The following MYO1D variants were observed in gnomAD, a reference collection of about 807,000 sequenced individuals.
MYO1D encodes the protein unconventional myosin-Id.
Under a neutral mutation model 122.0 loss-of-function variants are expected in MYO1D, and 83 were observed. The ratio of observed to expected loss-of-function variants is 0.68; its 90% CI spans 0.57 to 0.82. MYO1D has a LOEUF of 0.82. Ranked by LOEUF, MYO1D falls within the 40% of genes least tolerant of loss-of-function variation. The pLI is 0.00. For missense variants in MYO1D, 1,157 were observed against 1,269.5 expected (o/e 0.91, Z 1.35); for synonymous variants, 464 against 446.9 (o/e 1.04, Z -0.48).
intron 1 of MYO1D, among the ~76,000 whole-genome samples, chr17:32,810,112 G>C (rs1185222589): frequency 6.6e-6 from 1 of 152,176 alleles, no homozygotes; most frequent in Non-Finnish European, 1.5e-5. Context: ...ATGAACACTG[G>C]GGAGAAGTGG....
chr17:32,714,060 T>A (rs915501996), intron 15 of MYO1D, among the ~76,000 whole-genome samples: 2 of 151,772 alleles, frequency 1.3e-5, no homozygotes, highest in African/African-American at 4.8e-5. Context: ...TTTTTTTTTT[T>A]AATAATTATT....
chr17:32,677,209 C>G (rs563997395), intron 16 of MYO1D, among the ~76,000 whole-genome samples: 1 of 152,228 alleles, frequency 6.6e-6, no homozygotes, highest in South Asian at 2.1e-4. Flanking sequence ...ACTTTAAAAT[C>G]AATTACATGC....
intron 20 of MYO1D, among the ~76,000 whole-genome samples, chr17:32,607,172 A>C (rs1276105269): frequency 6.6e-6 from 1 of 152,148 alleles, no homozygotes; most frequent in Non-Finnish European, 1.5e-5. Flanking sequence ...AGAAAAAAAA[A>C]ATTAAAAAGC....
chr17:32,589,723 C>A (rs1452966232), intron 21 of MYO1D, among the ~76,000 whole-genome samples: 1 of 152,190 alleles, frequency 6.6e-6, no homozygotes, highest in East Asian at 1.9e-4. Flanking sequence ...TCCTTGCTGA[C>A]CCTGAAGGTA....
intron 21 of MYO1D, among the ~76,000 whole-genome samples, chr17:32,561,533 C>CA (rs1183358838): frequency 6.6e-6 from 1 of 150,584 alleles, no homozygotes; most frequent in African/African-American, 2.4e-5. Context: ...ACTAAAAATA[C>CA]AAAAAAATTA....
At chr17:32,785,040 A>G (rs562219456) in intron 1 of MYO1D, among the ~76,000 whole-genome samples, 2 of 152,336 alleles carry the variant, frequency 1.3e-5, no homozygotes, top group East Asian at 1.9e-4. Context: ...AAAGACATCA[A>G]TAAGGTGCTC....
chr17:32,651,624 C>T (rs1216963025), intron 19 of MYO1D, among the ~76,000 whole-genome samples: 2 of 151,378 alleles, frequency 1.3e-5, no homozygotes. Flanking sequence ...TTGAAAACCA[C>T]TGTTTCACAC....
chr17:32,621,856 G>A (rs931236364), intron 20 of MYO1D, among the ~76,000 whole-genome samples: 2 of 152,270 alleles, frequency 1.3e-5, no homozygotes, highest in South Asian at 2.1e-4. Context: ...GCCAGAACCT[G>A]CTTCCTCCTC....
At chr17:32,822,302 C>A (rs1279760990) in intron 1 of MYO1D, among the ~76,000 whole-genome samples, 1 of 148,614 alleles carries the variant, frequency 6.7e-6, no homozygotes, top group African/African-American at 2.5e-5. Flanking sequence ...CATGTTCTCA[C>A]TCATAGGTGG....
chr17:32,718,918 A>G (rs2089477767), intron 15 of MYO1D, among the ~76,000 whole-genome samples: 1 of 152,162 alleles, frequency 6.6e-6, no homozygotes, highest in South Asian at 2.1e-4. Flanking sequence ...TCTTATTTGC[A>G]GCCTAAACTT....
chr17:32,692,255 T>C (rs539638201), intron 16 of MYO1D, among the ~76,000 whole-genome samples: 1 of 152,322 alleles, frequency 6.6e-6, no homozygotes, highest in East Asian at 1.9e-4. Context: ...TGACAAAGAA[T>C]ATGAGCAATT....
At chr17:32,778,926 C>T (rs1055088542) in intron 2 of MYO1D, among the ~76,000 whole-genome samples, 1 of 152,086 alleles carries the variant, frequency 6.6e-6, no homozygotes, top group African/African-American at 2.4e-5. Flanking sequence ...GGTAGTGAGT[C>T]AAACAGTGGT....
intron 16 of MYO1D, among the ~76,000 whole-genome samples, chr17:32,665,439 G>A (rs538487414): frequency 6.6e-6 from 1 of 152,258 alleles, no homozygotes; most frequent in African/African-American, 2.4e-5. Flanking sequence ...AATATTTGCC[G>A]AATGAATGAA....
chr17:32,857,453 C>A (rs138434739), intron 1 of MYO1D, among the ~76,000 whole-genome samples: 3 of 152,094 alleles, frequency 2.0e-5, no homozygotes, highest in South Asian at 4.2e-4. Flanking sequence ...GGCGTGGTGG[C>A]GGGCACCTGT....
At position 32,552,936 on chromosome 17, in the gene MYO1D, C is replaced by G. The variant is rs547324293; in HGVS notation, c.2864+52151G>C. ...GCATCAACCATTACCAAAACACAGGCCTTTAAAGAAGCATGCCAGGCTGGG... is the reference window on the plus strand; with the variant it reads ...GCATCAACCATTACCAAAACACAGGGCTTTAAAGAAGCATGCCAGGCTGGG... On this transcript the variant is annotated intron_variant, in intron 21 of 21. Coordinates refer to ENST00000318217, the MANE Select transcript of MYO1D (RefSeq NM_015194.3). Among the ~76,000 whole-genome samples the G allele has an allele frequency of 2.0e-5, 3 of 152,100 alleles. No homozygotes were observed. In the South Asian group the frequency reaches 6.2e-4, roughly 32 times the overall value.
chr17:32,796,743 C>A (rs983058467), intron 1 of MYO1D, among the ~76,000 whole-genome samples: 1 of 152,100 alleles, frequency 6.6e-6, no homozygotes, highest in Admixed American at 6.5e-5. Flanking sequence ...AAGTAAATCC[C>A]ACAGATGGCT....
At chr17:32,612,196 T>C (rs918950065) in intron 20 of MYO1D, among the ~76,000 whole-genome samples, 4 of 152,132 alleles carry the variant, frequency 2.6e-5, no homozygotes, top group African/African-American at 4.8e-5. Flanking sequence ...AAAACAAAAA[T>C]ATACCCTGTT....
chr17:32,868,162 A>G (rs2091146310), intron 1 of MYO1D, among the ~76,000 whole-genome samples: 1 of 152,236 alleles, frequency 6.6e-6, no homozygotes, highest in East Asian at 1.9e-4. Context: ...AATTGGGAAT[A>G]GCAAGGGCAT....
intron 10 of MYO1D, 145 bp downstream of exon 10, chr17:32,760,145 A>G (rs865811327): frequency 1.2e-6 from 1 of 807,376 alleles, no homozygotes; most frequent in Middle Eastern, 2.2e-4. Context: ...GATGAAATTA[A>G]TTGTATTTAC....
Sources: allele counts gnomAD v4.1 joint callset (sites outside exome capture counted in the v4.1 genomes callset), GRCh38; gene constraint gnomAD v4.1.1; transcripts MANE v1.5; gene names NCBI Gene and HGNC (gene_info 2026-07-23, HGNC 2026-07-21).